The following DISC1 variants were observed in gnomAD, a reference collection of about 807,000 sequenced individuals.
The protein encoded by DISC1 is disrupted in schizophrenia 1 protein.
A neutral mutation model predicts 84.5 loss-of-function variants in DISC1; 57 were observed. The observed-to-expected ratio is 0.67, with a 90% CI of 0.55 to 0.84. The LOEUF is 0.84. Ranked by LOEUF, DISC1 falls within the 40% of genes least tolerant of loss-of-function variation. The pLI, the probability that DISC1 is intolerant of heterozygous loss-of-function variation, is 0.00. For synonymous variants in DISC1, 411 were observed against 415.2 expected (o/e 0.99, Z 0.12); for missense variants, 1,000 against 1,057.8 (o/e 0.95, Z 0.76).
chr1:231,670,996 T>C (rs557990507), intron 1 of DISC1, among the ~76,000 whole-genome samples: 3 of 152,282 alleles, frequency 2.0e-5, no homozygotes, highest in South Asian at 4.1e-4. Flanking sequence ...CCATCCAAAC[T>C]GTATAGGGAG....
At chr1:231,846,144 A>G (rs893468864) in intron 9 of DISC1, among the ~76,000 whole-genome samples, 7 of 152,108 alleles carry the variant, frequency 4.6e-5, no homozygotes, top group South Asian at 2.1e-4. Flanking sequence ...AGGGGTGGGG[A>G]GTGAGCATCC....
chr1:231,829,686 G>A (rs1277246042), intron 9 of DISC1, among the ~76,000 whole-genome samples: 1 of 152,186 alleles, frequency 6.6e-6, no homozygotes, highest in Non-Finnish European at 1.5e-5. Context: ...TCACGTCCGT[G>A]TGAAGAGACA....
intron 12 of DISC1, among the ~76,000 whole-genome samples, chr1:232,032,742 A>T (rs1040713767): frequency 6.6e-6 from 1 of 152,144 alleles, no homozygotes; most frequent in Non-Finnish European, 1.5e-5. Flanking sequence ...TAGCACCTCT[A>T]TTCTAGTTTT....
intron 9 of DISC1, chr1:231,943,641 G>A (rs2091463600): frequency 6.6e-6 from 1 of 152,094 alleles, no homozygotes; most frequent in South Asian, 2.1e-4. Flanking sequence ...AGTCAGCAAG[G>A]CCCCAAGATG....
intron 10 of DISC1, among the ~76,000 whole-genome samples, chr1:231,993,897 C>T (rs1665564287): frequency 6.6e-6 from 1 of 152,054 alleles, no homozygotes; most frequent in African/African-American, 2.4e-5. Flanking sequence ...CTCTCTTCAC[C>T]CTGGTATACT....
At chr1:231,920,351 C>T (rs1220760189) in intron 9 of DISC1, among the ~76,000 whole-genome samples, 4 of 152,166 alleles carry the variant, frequency 2.6e-5, no homozygotes, top group African/African-American at 9.7e-5. Flanking sequence ...CAAACATCAT[C>T]ACCATTCATC....
intron 9 of DISC1, among the ~76,000 whole-genome samples, chr1:231,948,535 C>T (rs970520631): frequency 3.9e-5 from 6 of 151,924 alleles, no homozygotes; most frequent in Admixed American, 6.6e-5. Flanking sequence ...AGCAAAACAC[C>T]GTGGCACGTG....
Position 232,008,884 on chromosome 1 carries a change from G to A in DISC1, c.2142G>A (p.Leu714=). ...SLQLQEARGS[L]SVEDERQMDD... ...AGCTCCAGGAAGCCAGGGGAAGCCT[G>A]TCTGTAGAAGATGAGAGGCAGATGG... The change falls in exon 11 of 13, where the codon CTG becomes CTA. Residue 714 remains leucine, a synonymous_variant. Coordinates refer to ENST00000439617, the MANE Select transcript of DISC1 (RefSeq NM_018662.3). The A allele has an allele frequency of 6.2e-7, 1 of 1,613,842 alleles. No homozygotes were observed. Among genetic ancestry groups the A allele is most frequent in the Non-Finnish European group, 8.5e-7 (1 of 1,179,822 alleles).
intron 9 of DISC1, among the ~76,000 whole-genome samples, chr1:231,937,290 A>G (rs1033669561): frequency 6.6e-6 from 1 of 152,236 alleles, no homozygotes; most frequent in Non-Finnish European, 1.5e-5. Context: ...CTAGGACATT[A>G]ACTTATTAGC....
At chr1:231,915,932 C>T (rs2089591242) in intron 9 of DISC1, among the ~76,000 whole-genome samples, 1 of 152,188 alleles carries the variant, frequency 6.6e-6, no homozygotes, top group Non-Finnish European at 1.5e-5. Context: ...TCGTGGATCT[C>T]AGTGGACCTG....
chr1:231,957,366 C>T (rs1355931666), intron 9 of DISC1, among the ~76,000 whole-genome samples: 1 of 152,170 alleles, frequency 6.6e-6, no homozygotes, highest in Admixed American at 6.5e-5. Flanking sequence ...TTTTCACTTG[C>T]TGTCTTTTTT....
intron 10 of DISC1, among the ~76,000 whole-genome samples, chr1:231,973,192 G>A (rs904716237): frequency 3.3e-5 from 5 of 151,962 alleles, no homozygotes; most frequent in South Asian, 2.1e-4. Context: ...GACTACAGGC[G>A]TGCGCCACCA....
intron 1 of DISC1, among the ~76,000 whole-genome samples, chr1:231,665,609 T>C (rs1346824255): frequency 6.6e-6 from 1 of 152,232 alleles, no homozygotes; most frequent in Non-Finnish European, 1.5e-5. Context: ...TTCTTTTCCC[T>C]AGCTTACCTT....
rs1006041696 is a variant in DISC1, at chr1:231,730,475, A to G, written c.1118-19451A>G. ...GGGATACATGTTGTGCAGGTTTGTG[A>G]CAAGGATGTGTTGTGTGATGCTGAG... On this transcript the variant is annotated intron_variant, in intron 3 of 12. Transcript: ENST00000439617. Among the ~76,000 whole-genome samples, 14 of 152,234 alleles carry G rather than the reference A, an allele frequency of 9.2e-5. No homozygotes were observed. The South Asian group carries it at 1.2e-3, about 14-fold the overall frequency.
chr1:231,759,854 A>G (rs2075500444), intron 4 of DISC1, among the ~76,000 whole-genome samples: 1 of 152,220 alleles, frequency 6.6e-6, no homozygotes, highest in Admixed American at 6.5e-5. Context: ...CATGGCCTCA[A>G]TAAGAGAAGG....
At chr1:231,940,605 G>A (rs2091266952) in intron 9 of DISC1, among the ~76,000 whole-genome samples, 1 of 152,086 alleles carries the variant, frequency 6.6e-6, no homozygotes, top group African/African-American at 2.4e-5. Flanking sequence ...AAATCCATGT[G>A]AGTCTATTTT....
intron 9 of DISC1, among the ~76,000 whole-genome samples, chr1:231,896,274 T>C (rs1477774936): frequency 6.6e-6 from 1 of 152,148 alleles, no homozygotes; most frequent in Non-Finnish European, 1.5e-5. Flanking sequence ...TTCCCTGAAC[T>C]TGGGGTCCGG....
At chr1:231,661,126 T>C (rs73113438) in intron 1 of DISC1, among the ~76,000 whole-genome samples, 5,437 of 152,226 alleles carry the variant, frequency 0.036, 322 homozygotes, top group African/African-American at 0.12. Context: ...TTAGTCTGAT[T>C]GGCTTCCCGT....
intron 9 of DISC1, among the ~76,000 whole-genome samples, chr1:231,834,618 C>G (rs893790600): frequency 6.6e-6 from 1 of 151,340 alleles, no homozygotes; most frequent in Non-Finnish European, 1.5e-5. Context: ...GGTTTTAGGT[C>G]AGGTGTAAGT....
Sources: allele counts gnomAD v4.1 joint callset (sites outside exome capture counted in the v4.1 genomes callset), GRCh38; gene constraint gnomAD v4.1.1; transcripts MANE v1.5; gene names NCBI Gene and HGNC (gene_info 2026-07-23, HGNC 2026-07-21).